Variants in EHMT1 observed in about 807,000 individuals in gnomAD.
EHMT1 encodes euchromatic histone lysine methyltransferase 1, also known as histone-lysine N-methyltransferase EHMT1.
EHMT1 carries 15 observed loss-of-function variants against 147.2 expected under a neutral mutation model. The observed-to-expected ratio is 0.10, with a 90% CI of 0.07 to 0.16. The LOEUF is 0.16. Among genes scored for constraint, EHMT1 ranks in the 10% least tolerant of loss-of-function variants. The probability of loss-of-function intolerance (pLI) is 1.00; values close to 1 mark genes in which losing one functional copy is unlikely to be tolerated. For synonymous variants in EHMT1, 795 were observed against 709.6 expected, an observed-to-expected ratio of 1.12 and a Z score of -1.91; for missense variants, 1,587 against 1,772.4, an observed-to-expected ratio of 0.90 and a Z score of 1.88.
intron 1 of EHMT1, among the ~76,000 whole-genome samples, chr9:137,698,976 G>C (rs1208221086): frequency 6.6e-6 from 1 of 152,054 alleles, no homozygotes; most frequent in Admixed American, 6.5e-5. Flanking sequence ...AAATTGATGG[G>C]GCAGGAGGCC....
intron 10 of EHMT1, among the ~76,000 whole-genome samples, chr9:137,766,578 G>C (rs1172405746): frequency 1.3e-5 from 2 of 152,192 alleles, no homozygotes; most frequent in Non-Finnish European, 2.9e-5. Flanking sequence ...TCGTGCTGCT[G>C]TTCTTCAGCC....
intron 4 of EHMT1, among the ~76,000 whole-genome samples, chr9:137,740,975 G>GTT (rs1431892342): frequency 8.5e-6 from 1 of 117,362 alleles, no homozygotes; most frequent in African/African-American, 5.8e-5. Flanking sequence ...GCCCCGACAT[G>GTT]ATTTTTTTTT....
intron 4 of EHMT1, among the ~76,000 whole-genome samples, chr9:137,733,674 G>T (rs1411940180): frequency 6.6e-6 from 1 of 152,148 alleles, no homozygotes; most frequent in Non-Finnish European, 1.5e-5. Flanking sequence ...CATACAGAGA[G>T]GCCCTCTCAT....
intron 1 of EHMT1, among the ~76,000 whole-genome samples, chr9:137,710,340 G>A (rs921278004): frequency 6.6e-6 from 1 of 152,066 alleles, no homozygotes; most frequent in Non-Finnish European, 1.5e-5. Context: ...GGGTGTGGTG[G>A]TGTGCACCTG....
intron 1 of EHMT1, among the ~76,000 whole-genome samples, chr9:137,650,409 T>A (rs1937669914): frequency 6.6e-6 from 1 of 152,100 alleles, no homozygotes; most frequent in Non-Finnish European, 1.5e-5. Context: ...TGCCCAGCTG[T>A]TGTTCATTTT....
chr9:137,747,490 A>G (rs1368977159), intron 6 of EHMT1: 1 of 152,212 alleles, frequency 6.6e-6, no homozygotes, highest in Non-Finnish European at 1.5e-5. Context: ...ATGCAATGAC[A>G]TATTAAAATA....
chr9:137,798,927 C>A lies in EHMT1; in HGVS notation c.2607+13C>A. The stretch of plus-strand genomic sequence containing the variant: ...CGTCAACTGTCAGGTACAGCCACCC[C>A]CTCCCCTTAGCAGTACACTGTGTGG... On this transcript the variant is annotated intron_variant, in intron 17 of 26. Transcript: ENST00000460843. 6.2e-7 allele frequency: 1 copy of A among 1,602,042 alleles called. No individual in the cohort carries two copies. Among genetic ancestry groups the A allele is most frequent in the South Asian group, 1.1e-5 (1 of 90,852 alleles).
chr9:137,669,824 A>G (rs1271653402), intron 1 of EHMT1, among the ~76,000 whole-genome samples: 1 of 152,120 alleles, frequency 6.6e-6, no homozygotes, highest in Non-Finnish European at 1.5e-5. Context: ...AAGCGCTGAT[A>G]TTACAGGTGT....
chr9:137,722,312 C>CT (rs1432090026), intron 3 of EHMT1, among the ~76,000 whole-genome samples: 1 of 152,146 alleles, frequency 6.6e-6, no homozygotes, highest in African/African-American at 2.4e-5. Context: ...TAAGTGATCG[C>CT]TTTTTTCTGG....
chr9:137,748,680 G>T lies in EHMT1; in HGVS notation c.1171-3651G>T, dbSNP rs536115789. Among the ~76,000 whole-genome samples, 101 of 152,312 alleles carry T rather than the reference G, an allele frequency of 6.6e-4. 1 individual carries two copies. Among genetic ancestry groups the T allele is most frequent in the African/African-American group, 2.4e-3 (98 of 41,560 alleles). On this transcript the variant is annotated intron_variant, in intron 6 of 26. Coordinates refer to ENST00000460843, the MANE Select transcript of EHMT1 (RefSeq NM_024757.5). ...TGGCATTACGTTTTCAGTTTAATTT[G>T]CATTTTCATGATTTATGAGAAGGTT...
At chr9:137,747,157 A>G (rs1192261529) in intron 6 of EHMT1, 1 of 152,124 alleles carries the variant, frequency 6.6e-6, no homozygotes, top group Non-Finnish European at 1.5e-5. Context: ...CAAAAGTCCT[A>G]AATACATTTT....
intron 3 of EHMT1, among the ~76,000 whole-genome samples, chr9:137,726,765 G>A (rs1190543791): frequency 3.9e-5 from 6 of 152,118 alleles, no homozygotes; most frequent in Admixed American, 3.9e-4. Context: ...CTCACAACAC[G>A]ATTTTCTGTT....
At chr9:137,744,937 T>G (rs1948422352) in intron 6 of EHMT1, among the ~76,000 whole-genome samples, 1 of 152,270 alleles carries the variant, frequency 6.6e-6, no homozygotes, top group Admixed American at 6.5e-5. Flanking sequence ...CGGAGTTACA[T>G]TCATGCTTTT....
chr9:137,673,630 C>A (rs938735897), intron 1 of EHMT1, among the ~76,000 whole-genome samples: 6 of 152,192 alleles, frequency 3.9e-5, no homozygotes, highest in Non-Finnish European at 7.3e-5. Flanking sequence ...CAACTCCTGG[C>A]GAAACTGCGC....
At chr9:137,774,325 G>A (rs1157499969) in intron 10 of EHMT1, among the ~76,000 whole-genome samples, 2 of 152,204 alleles carry the variant, frequency 1.3e-5, no homozygotes, top group Non-Finnish European at 2.9e-5. Flanking sequence ...ACTGGATCTG[G>A]TGGATGTGGT....
chr9:137,664,038 T>G (rs1939363831), intron 1 of EHMT1, among the ~76,000 whole-genome samples: 1 of 152,292 alleles, frequency 6.6e-6, no homozygotes, highest in South Asian at 2.1e-4. Context: ...AAAATTATAC[T>G]ACCAATAGAG....
At position 137,828,192 on chromosome 9, in the gene EHMT1, C is replaced by T. The variant is rs559005281; in HGVS notation, c.3541-6157C>T. 3.8e-4 allele frequency among the ~76,000 whole-genome samples: 58 copies of T among 152,138 alleles called. No homozygotes were observed. The highest frequency in any genetic ancestry group is 1.3e-3 in the African/African-American group (56 of 41,518). ...TCCACAGGCCCCAGGGGGGTGCTGG[C>T]GGGCATCAGGGAAGTCCCGGTGACA... is the stretch of plus-strand genomic sequence containing the variant. On this transcript the variant is annotated intron_variant, in intron 25 of 26. Transcript: ENST00000460843. This position sits in a 1 kb window ranked among gnomAD's most constrained non-coding sequence, Gnocchi z 5.3.
chr9:137,716,693 C>A lies in EHMT1; in HGVS notation c.153C>A (p.Asp51Glu). 6.2e-7 allele frequency: 1 copy of A among 1,606,750 alleles called. No homozygotes were observed. The change falls in exon 3 of 27, where the codon GAC (aspartate) becomes GAA (glutamate). Residue 51 changes from aspartate to glutamate, a missense_variant. This residue lies in a region of EHMT1 where 810 missense variants were observed against 673.0 expected (regional missense o/e 1.20). Transcript: ENST00000460843. ...KQAGEAHMAA[D>E]GETNGSCENS... ...CAGGAGAGGCCCACATGGCTGCGGA[C>A]GGTGAGACCAATGGGTCTTGTGAAA...
intron 24 of EHMT1, chr9:137,817,844 A>T (rs554223264): frequency 1.6e-6 from 1 of 631,102 alleles, no homozygotes; most frequent in Admixed American, 2.6e-5. Context: ...CAGGTACCAG[A>T]CCGCAGACGC....
Sources: gnomAD v4.1 joint callset for allele counts (sites outside exome capture counted in the v4.1 genomes callset) on GRCh38, gnomAD v4.1.1 for gene constraint, gnomAD v4.1.1 regional missense constraint, Gnocchi (gnomAD v3.1) non-coding constraint, MANE v1.5 for transcripts, NCBI Gene and HGNC (gene_info 2026-07-23, HGNC 2026-07-21) for gene names.